THSD4: variants seen among roughly 807,000 people sequenced by gnomAD.
THSD4 encodes the protein thrombospondin type-1 domain-containing protein 4.
Under a neutral mutation model 119.0 loss-of-function variants are expected in THSD4, and 69 were observed. That is an observed-to-expected ratio of 0.58 (90% confidence interval 0.48 to 0.71). THSD4 has a LOEUF of 0.71. THSD4 is among the 30% of genes least tolerant of loss of function. The pLI is 0.00. For missense variants in THSD4, 1,393 were observed against 1,391.1 expected, an observed-to-expected ratio of 1.00 and a Z score of -0.02; for synonymous variants, 524 against 540.4, an observed-to-expected ratio of 0.97 and a Z score of 0.42.
chr15:71,466,533 C>G (rs1047957385), intron 7 of THSD4, among the ~76,000 whole-genome samples: 3 of 152,216 alleles, frequency 2.0e-5, no homozygotes, highest in South Asian at 4.2e-4. Context: ...CCCTCAGGAG[C>G]CTTCCTTGAG....
chr15:71,542,215 TAGC>T (rs1470618707), intron 7 of THSD4, among the ~76,000 whole-genome samples: 1 of 152,158 alleles, frequency 6.6e-6, no homozygotes, highest in Non-Finnish European at 1.5e-5. Context: ...GTATTAAAAT[TAGC>T]AGAGAAAACA....
intron 6 of THSD4, chr15:71,348,490 GGTGA>G (rs2045698934): frequency 6.6e-6 from 1 of 152,320 alleles, no homozygotes; most frequent in African/African-American, 2.4e-5. Context: ...TGTACATCCA[GGTGA>G]GTGTTGGTTT....
chr15:71,110,669 G>C (rs2040296456), upstream of THSD4: 1 of 164,864 alleles, frequency 6.1e-6, no homozygotes, highest in Non-Finnish European at 1.3e-5. Context: ...TCCTGTATCT[G>C]CTCTCTTTTG....
chr15:71,641,314 A>G (rs986042761), intron 7 of THSD4, among the ~76,000 whole-genome samples: 1 of 151,922 alleles, frequency 6.6e-6, no homozygotes, highest in Non-Finnish European at 1.5e-5. Flanking sequence ...GACCACAGAT[A>G]GGAAATCTAA....
chr15:71,487,621 A>G (rs1269901255), intron 7 of THSD4, among the ~76,000 whole-genome samples: 1 of 152,234 alleles, frequency 6.6e-6, no homozygotes, highest in Non-Finnish European at 1.5e-5. Context: ...TTTCATGTAG[A>G]TATTTGTCTA....
At chr15:71,646,095 G>A (rs1330249685) in intron 7 of THSD4, among the ~76,000 whole-genome samples, 7 of 152,160 alleles carry the variant, frequency 4.6e-5, no homozygotes, top group African/African-American at 1.2e-4. Context: ...AGATAGATAC[G>A]AGCACAGATC....
At chr15:71,411,621 A>G in intron 6 of THSD4, 66 bp from the exon 7 acceptor site, 1 of 1,498,254 alleles carries the variant, frequency 6.7e-7, no homozygotes, top group South Asian at 1.3e-5. Flanking sequence ...AAAGGTGCTG[A>G]TTCCACAGAG....
intron 4 of THSD4, among the ~76,000 whole-genome samples, chr15:71,227,326 G>A (rs1181506495): frequency 2.0e-5 from 3 of 152,198 alleles, no homozygotes; most frequent in Admixed American, 6.5e-5. Context: ...AGAAAGATGC[G>A]ATGGGCTATG....
chr15:71,575,487 A>G (rs924591498), intron 7 of THSD4, among the ~76,000 whole-genome samples: 1 of 152,240 alleles, frequency 6.6e-6, no homozygotes, highest in Non-Finnish European at 1.5e-5. Flanking sequence ...AATCACTAAA[A>G]TGAATGAACA....
intron 1 of THSD4, among the ~76,000 whole-genome samples, chr15:71,101,767 G>A (rs190660455): frequency 2.0e-4 from 30 of 151,124 alleles, no homozygotes; most frequent in Non-Finnish European, 1.0e-4. Flanking sequence ...AGACTAGAGT[G>A]CAGTGGCATG....
chr15:71,337,470 C>T (rs1425590280), intron 6 of THSD4, among the ~76,000 whole-genome samples: 1 of 152,200 alleles, frequency 6.6e-6, no homozygotes, highest in Non-Finnish European at 1.5e-5. Flanking sequence ...TGAGCCAAAC[C>T]CTAGCTTAAC....
rs115399582 is a variant in THSD4, at chr15:71,282,785, C to A, written c.1015+26070C>A. Among the ~76,000 whole-genome samples the A allele has an allele frequency of 3.8e-3, 583 of 152,250 alleles. 2 individuals are homozygous for A. The highest frequency in any genetic ancestry group is 0.014 in the African/African-American group (561 of 41,532). On this transcript the variant is annotated intron_variant, in intron 6 of 17. Coordinates refer to ENST00000261862, the MANE Select transcript of THSD4 (RefSeq NM_024817.3). Reference sequence around the variant, plus strand: ...TGAAGGCATCCCCAACTACCTGACTCCTCACTGATTTCTTCCTTATTCAAC... The same window carrying A: ...TGAAGGCATCCCCAACTACCTGACTACTCACTGATTTCTTCCTTATTCAAC...
chr15:71,439,417 G>A (rs908369972), intron 7 of THSD4, among the ~76,000 whole-genome samples: 4 of 152,170 alleles, frequency 2.6e-5, no homozygotes, highest in Admixed American at 1.3e-4. Flanking sequence ...CACTGTTGGT[G>A]GGAGTGTAAA....
chr15:71,728,036 G>T (rs2052897547), intron 8 of THSD4, among the ~76,000 whole-genome samples: 1 of 151,824 alleles, frequency 6.6e-6, no homozygotes, highest in African/African-American at 2.4e-5. Flanking sequence ...ATGTCTTCCT[G>T]GTTTATAAGA....
chr15:71,203,798 G>A (rs1052611713), intron 3 of THSD4, among the ~76,000 whole-genome samples: 2 of 152,160 alleles, frequency 1.3e-5, no homozygotes, highest in African/African-American at 4.8e-5. Flanking sequence ...CACTTGCTGC[G>A]TGCTGTGTTC....
intron 6 of THSD4, among the ~76,000 whole-genome samples, chr15:71,396,839 G>A (rs572177325): frequency 2.6e-5 from 4 of 152,252 alleles, no homozygotes; most frequent in East Asian, 1.9e-4. Context: ...GTTTTCAGTC[G>A]TTTTTTCCTG....
intron 17 of THSD4, among the ~76,000 whole-genome samples, chr15:71,776,275 A>C (rs2053910959): frequency 1.3e-5 from 2 of 152,374 alleles, no homozygotes; most frequent in East Asian, 1.9e-4. Flanking sequence ...CCAGAAGCAA[A>C]GTGATCAGAA....
At chr15:71,440,506 T>C (rs2047074972) in intron 7 of THSD4, among the ~76,000 whole-genome samples, 1 of 152,216 alleles carries the variant, frequency 6.6e-6, no homozygotes, top group Non-Finnish European at 1.5e-5. Context: ...TTTGGATAGA[T>C]ATATAATCCC....
At chr15:71,196,860 A>T (rs775468964) in intron 3 of THSD4, among the ~76,000 whole-genome samples, 16 of 152,174 alleles carry the variant, frequency 1.1e-4, no homozygotes, top group African/African-American at 3.9e-4. Flanking sequence ...AGATGGCATC[A>T]TGGTATGCGT....
Sources: allele counts gnomAD v4.1 joint callset (sites outside exome capture counted in the v4.1 genomes callset), GRCh38; gene constraint gnomAD v4.1.1; transcripts MANE v1.5; gene names NCBI Gene and HGNC (gene_info 2026-07-23, HGNC 2026-07-21).